MTA1: variants seen among roughly 807,000 people sequenced by gnomAD.
MTA1 encodes metastasis associated 1.
In MTA1, 15 loss-of-function variants were observed where a neutral mutation model predicts 97.0. The ratio of observed to expected loss-of-function variants is 0.15; its 90% confidence interval spans 0.10 to 0.24. MTA1 has a LOEUF of 0.24. MTA1 is among the 10% of genes least tolerant of loss of function. The probability of loss-of-function intolerance (pLI) is 1.00; values close to 1 mark genes in which losing one functional copy is unlikely to be tolerated. For missense variants in MTA1, 709 were observed against 1,015.1 expected, an observed-to-expected ratio of 0.70 and a Z score of 4.10; for synonymous variants, 435 against 417.5, an observed-to-expected ratio of 1.04 and a Z score of -0.51.
rs1555429290 is a variant in MTA1 at position 105,454,111 on chromosome 14, G to T, written c.433-82G>T. The T allele has an allele frequency of 5.7e-6, 6 of 1,046,606 alleles. No individual in the cohort carries two copies. In the African/African-American group the frequency reaches 9.5e-5, roughly 17 times the overall value. The allele number at this position is 1,046,606 out of a possible 1,614,324, so 64.8% of individuals were successfully genotyped here. On this transcript the variant is annotated intron_variant, in intron 6 of 20. Coordinates refer to ENST00000331320, the MANE Select transcript of MTA1 (RefSeq NM_004689.4). ...AGCTCTGGGCAAGACCCTCCCAGCA[G>T]CCCGGCCGTGCTGACGCCTCTCTGA...
rs587648595 is a variant in MTA1 at position 105,422,261 on chromosome 14, C to T, written c.28+2198C>T. Among the ~76,000 whole-genome samples, 343 of 152,248 alleles carry T rather than the reference C, an allele frequency of 2.3e-3. 2 individuals are homozygous for T. The highest frequency in any genetic ancestry group is 7.9e-3 in the African/African-American group (327 of 41,544). ...GGAACCCTGGGTTCCGGCAGGACCC[C>T]GGCAGAGCCCTGTGGTCGCAGTGGG... On this transcript the variant is annotated intron_variant, in intron 1 of 20. Transcript: ENST00000331320. The surrounding 1 kb of genome is among the most constrained non-coding windows in gnomAD (Gnocchi z 4.3).
rs782337856 is a variant in MTA1, at chr14:105,464,569, T to TA, written c.1344+4dup. 6.2e-7 allele frequency: 1 copy of TA among 1,612,614 alleles called. No individual in the cohort carries two copies. Among genetic ancestry groups the TA allele is most frequent in the African/African-American group, 1.3e-5 (1 of 74,988 alleles). ...CCAGGACCAAACCGCAGTAACATGG[T>TA]AAGGGGGGGGACACCCGCCCTGCCT... On this transcript the variant is annotated splice_region_variant and intron_variant, in intron 14 of 20. Coordinates refer to ENST00000331320, the MANE Select transcript of MTA1 (RefSeq NM_004689.4).
At chr14:105,429,767 T>TTTG (rs1194736790) in intron 1 of MTA1, among the ~76,000 whole-genome samples, 2 of 133,560 alleles carry the variant, frequency 1.5e-5, no homozygotes, top group East Asian at 4.5e-4. Flanking sequence ...TTTTTTTTTT[T>TTTG]TTTTTTGGTG....
rs1248899549 is a variant in MTA1 at position 105,424,940 on chromosome 14, G to A, written c.28+4877G>A. Among the ~76,000 whole-genome samples the A allele has an allele frequency of 6.6e-6, 1 of 152,256 alleles. No individual in the cohort carries two copies. The highest frequency in any genetic ancestry group is 2.4e-5 in the African/African-American group (1 of 41,472). ...CCCTGGCAGTGCCGTTCCCGCCCGT[G>A]TGTGTGGGTTCTGGGTGTCAAAACT... is the stretch of plus-strand genomic sequence containing the variant. On this transcript the variant is annotated intron_variant, in intron 1 of 20. Transcript: ENST00000331320. The surrounding 1 kb of genome is among the most constrained non-coding windows in gnomAD (Gnocchi z 4.0).
intron 1 of MTA1, among the ~76,000 whole-genome samples, chr14:105,429,726 T>TA (rs2082121596): frequency 7.0e-6 from 1 of 143,608 alleles, no homozygotes; most frequent in African/African-American, 2.6e-5. Context: ...GTGCTGGGAT[T>TA]ACAGACGTGA....
At chr14:105,432,955 C>T (rs1283230600) in intron 1 of MTA1, among the ~76,000 whole-genome samples, 2 of 152,140 alleles carry the variant, frequency 1.3e-5, no homozygotes, top group African/African-American at 4.8e-5. Context: ...AGGGAGCTCC[C>T]GCCTGAGCTT....
intron 2 of MTA1, among the ~76,000 whole-genome samples, chr14:105,444,870 C>G (rs1555426676): frequency 6.6e-6 from 1 of 151,932 alleles, no homozygotes; most frequent in African/African-American, 2.4e-5. Context: ...ACAATTCTTG[C>G]AGTAGCAAAG....
At chr14:105,431,730 A>T (rs1005412239) in intron 1 of MTA1, among the ~76,000 whole-genome samples, 1 of 151,696 alleles carries the variant, frequency 6.6e-6, no homozygotes, top group African/African-American at 2.4e-5. Context: ...GGCCCGAGTG[A>T]TTCTCCTGCT....
rs782488967 is a variant in MTA1, at chr14:105,466,414, C to T, written c.1625-12C>T. On this transcript the variant is annotated splice_polypyrimidine_tract_variant and intron_variant, in intron 16 of 20. Coordinates refer to ENST00000331320, the MANE Select transcript of MTA1 (RefSeq NM_004689.4). ...CAGAGGCAACTCGTTCTGCCTGTGT[C>T]ATTCCCGGCAGAGACCCACCCCCGC... 8.1e-6 allele frequency: 13 copies of T among 1,597,400 alleles called. No individual in the cohort carries two copies. The African/African-American group carries it at 1.6e-4, about 20-fold the overall frequency.
intron 6 of MTA1, among the ~76,000 whole-genome samples, chr14:105,450,948 A>AGCGTCTGG (rs2082904424): frequency 6.6e-6 from 1 of 152,140 alleles, no homozygotes; most frequent in Admixed American, 6.5e-5. Context: ...TGGGGGCAAA[A>AGCGTCTGG]GCGTCTGGAG....
At chr14:105,429,587 G>C (rs1265428322) in intron 1 of MTA1, among the ~76,000 whole-genome samples, 1 of 151,688 alleles carries the variant, frequency 6.6e-6, no homozygotes, top group Non-Finnish European at 1.5e-5. Flanking sequence ...GAGTAGCTGG[G>C]ACTACAGGTG....
At chr14:105,457,952 T>TATAA (rs1286997609) in intron 7 of MTA1, among the ~76,000 whole-genome samples, 2 of 150,782 alleles carry the variant, frequency 1.3e-5, no homozygotes, top group Non-Finnish European at 3.0e-5. Flanking sequence ...ATAATAATAA[T>TATAA]ATAAATAAAT....
chr14:105,438,326 G>A (rs1373821576), intron 1 of MTA1, among the ~76,000 whole-genome samples: 1 of 152,132 alleles, frequency 6.6e-6, no homozygotes, highest in Non-Finnish European at 1.5e-5. Context: ...GGCTTTGCCT[G>A]GGAAGCTGCC....
In MTA1 at chr14:105,420,133, C is replaced by A. The variant is rs1555420487; in HGVS notation, c.28+70C>A. Reference sequence around the variant, plus strand: ...CCCCCACCCGCCGCCGCTGCCGCCTCCCCCGCCCCTCTGCCCCGCAGGCCC... The same window carrying A: ...CCCCCACCCGCCGCCGCTGCCGCCTACCCCGCCCCTCTGCCCCGCAGGCCC... On this transcript the variant is annotated intron_variant, in intron 1 of 20. Coordinates refer to ENST00000331320, the MANE Select transcript of MTA1 (RefSeq NM_004689.4). The surrounding 1 kb of genome is among the most constrained non-coding windows in gnomAD (Gnocchi z 5.3). 7 of 801,128 alleles carry A rather than the reference C, an allele frequency of 8.7e-6. No individual in the cohort carries two copies. Among genetic ancestry groups the A allele is most frequent in the Non-Finnish European group, 9.1e-6 (6 of 658,322 alleles). The allele number at this position is 801,128 out of a possible 1,614,324, so 49.6% of individuals were successfully genotyped here.
rs1402199052 is a variant in MTA1, at chr14:105,424,808, G to A, written c.28+4745G>A. ...ACGGTGCCTGGCCCCATATTGTTCTGAGTGGAGAATTTGATCGTTAAGCTC... is the reference window on the plus strand; with the variant it reads ...ACGGTGCCTGGCCCCATATTGTTCTAAGTGGAGAATTTGATCGTTAAGCTC... On this transcript the variant is annotated intron_variant, in intron 1 of 20. Coordinates refer to ENST00000331320, the MANE Select transcript of MTA1 (RefSeq NM_004689.4). This position sits in a 1 kb window ranked among gnomAD's most constrained non-coding sequence, Gnocchi z 4.0. Among the ~76,000 whole-genome samples, 3 of 152,356 alleles carry A rather than the reference G, an allele frequency of 2.0e-5. No individual in the cohort carries two copies. The highest frequency in any genetic ancestry group is 2.0e-4 in the Admixed American group (3 of 15,304).
intron 7 of MTA1, among the ~76,000 whole-genome samples, chr14:105,456,480 C>T (rs2083157968): frequency 6.6e-6 from 1 of 152,218 alleles, no homozygotes; most frequent in African/African-American, 2.4e-5. Flanking sequence ...GCTGCCTTCC[C>T]CGCTGCCCTG....
intron 9 of MTA1, 86 bp from the exon 10 acceptor site, chr14:105,460,679 C>T (rs868948548): frequency 1.4e-6 from 2 of 1,396,758 alleles, no homozygotes; most frequent in Non-Finnish European, 1.9e-6. Flanking sequence ...GTAGGGGATC[C>T]TTGAGGTACT....
intron 18 of MTA1, chr14:105,467,257 G>A (rs111870429): frequency 5.4e-6 from 2 of 371,886 alleles, no homozygotes; most frequent in Non-Finnish European, 1.1e-5. Flanking sequence ...AGGCCCCTTG[G>A]GGAAGAGCAG....
At chr14:105,451,094 C>T (rs587602063) in intron 6 of MTA1, among the ~76,000 whole-genome samples, 1 of 152,194 alleles carries the variant, frequency 6.6e-6, no homozygotes, top group Admixed American at 6.5e-5. Flanking sequence ...TGAACACCCC[C>T]AGCGTGTCCA....
Sources: allele counts gnomAD v4.1 joint callset (sites outside exome capture counted in the v4.1 genomes callset), GRCh38; gene constraint gnomAD v4.1.1; non-coding constraint Gnocchi (gnomAD v3.1); transcripts MANE v1.5; gene names NCBI Gene and HGNC (gene_info 2026-07-23, HGNC 2026-07-21).